CNTN4: variants seen among roughly 807,000 people sequenced by gnomAD.
CNTN4 encodes the protein contactin 4.
CNTN4 carries 77 observed loss-of-function variants against 122.5 expected under a neutral mutation model. That is an observed-to-expected ratio of 0.63 (90% CI 0.52 to 0.76). The LOEUF (loss-of-function observed/expected upper bound fraction) is 0.76, where lower values mean the gene tolerates loss of function less well. Among genes scored for constraint, CNTN4 ranks in the 30% least tolerant of loss-of-function variants. The pLI, the probability that CNTN4 is intolerant of heterozygous loss-of-function variation, is 0.00. For missense variants in CNTN4, 1,256 were observed against 1,259.1 expected (o/e 1.00, Z 0.04); for synonymous variants, 512 against 447.0 (o/e 1.15, Z -1.83).
chr3:2,280,899 A>G (rs1248987548), intron 2 of CNTN4, among the ~76,000 whole-genome samples: 4 of 152,192 alleles, frequency 2.6e-5, no homozygotes, highest in Non-Finnish European at 5.9e-5. Flanking sequence ...TCACACTGGC[A>G]TCAACCTCCA....
chr3:2,754,585 A>T (rs1381828616), intron 6 of CNTN4, among the ~76,000 whole-genome samples: 2 of 152,130 alleles, frequency 1.3e-5, no homozygotes, highest in African/African-American at 4.8e-5. Flanking sequence ...TGTTAAGGGG[A>T]AGGGCATAGA....
chr3:2,292,402 A>G (rs1210049382), intron 2 of CNTN4, among the ~76,000 whole-genome samples: 1 of 152,204 alleles, frequency 6.6e-6, no homozygotes, highest in East Asian at 1.9e-4. Flanking sequence ...TGAATATGAC[A>G]ACTTTGTTTT....
At chr3:2,483,815 C>G (rs562384976) in intron 3 of CNTN4, among the ~76,000 whole-genome samples, 3 of 152,110 alleles carry the variant, frequency 2.0e-5, no homozygotes, top group Non-Finnish European at 4.4e-5. Context: ...AACTTTTTTT[C>G]TTTATAAAAT....
rs76836365 is a variant in CNTN4, at chr3:2,244,241, C to T, written c.-144-94937C>T. Among the ~76,000 whole-genome samples, 164 of 152,096 alleles carry T rather than the reference C, an allele frequency of 1.1e-3. 4 individuals carry two copies. The East Asian group carries it at 0.024, about 22-fold the overall frequency. On this transcript the variant is annotated intron_variant, in intron 2 of 24. Transcript: ENST00000418658. ...AAAAATCTATGTAAATGTGGTTTCT[C>T]TCTCTGTGTGTCTCTCTGTCATCTC...
intron 14 of CNTN4, among the ~76,000 whole-genome samples, chr3:2,989,681 A>C (rs1694890024): frequency 6.6e-6 from 1 of 152,220 alleles, no homozygotes; most frequent in African/African-American, 2.4e-5. Flanking sequence ...CAGTCTATTA[A>C]TTACTTCCTC....
At chr3:2,754,607 A>G (rs2090245390) in intron 6 of CNTN4, among the ~76,000 whole-genome samples, 1 of 152,158 alleles carries the variant, frequency 6.6e-6, no homozygotes, top group South Asian at 2.1e-4. Context: ...GATGAAAAGT[A>G]TTTTTAAAAA....
chr3:2,805,321 A>T (rs754320090), intron 6 of CNTN4, among the ~76,000 whole-genome samples: 4 of 152,304 alleles, frequency 2.6e-5, no homozygotes, highest in South Asian at 2.1e-4. Context: ...GAGCAATTGG[A>T]GTTGTGCTAG....
chr3:2,431,787 G>C (rs774293224), intron 3 of CNTN4, among the ~76,000 whole-genome samples: 1 of 152,160 alleles, frequency 6.6e-6, no homozygotes, highest in African/African-American at 2.4e-5. Context: ...CAGTTTTCTG[G>C]TCAGTGAAGT....
At chr3:2,789,882 G>T (rs1214529539) in intron 6 of CNTN4, among the ~76,000 whole-genome samples, 3 of 152,312 alleles carry the variant, frequency 2.0e-5, no homozygotes, top group East Asian at 3.9e-4. Flanking sequence ...TTTGGAACTG[G>T]CCCTTAATTC....
chr3:3,034,767 T>C lies in CNTN4; in HGVS notation c.1919T>C (p.Val640Ala), dbSNP rs1181074082. The stretch of plus-strand genomic sequence containing the variant: ...ATTCAAGCCAGGACTCCATTCTCCG[T>C]GGGCTGGCAAGCAGTCAGTACAGGT... ...YVIQARTPFS[V>A]GWQAVSTVPE... Residue 640 changes from valine to alanine, a missense_variant, in exon 17 of 25, where the codon GTG becomes GCG. Coordinates refer to ENST00000418658, the MANE Select transcript of CNTN4 (RefSeq NM_175607.3). The C allele has an allele frequency of 1.2e-6, 2 of 1,614,058 alleles. No homozygotes were observed. The highest frequency in any genetic ancestry group is 1.7e-6 in the Non-Finnish European group (2 of 1,179,984).
intron 4 of CNTN4, among the ~76,000 whole-genome samples, chr3:2,703,240 C>T (rs1374186389): frequency 1.3e-5 from 2 of 152,082 alleles, no homozygotes; most frequent in Admixed American, 1.3e-4. Context: ...AATATAGTAC[C>T]TGGTGCAGAG....
chr3:2,571,150 G>C (rs1203011227), intron 3 of CNTN4, among the ~76,000 whole-genome samples: 1 of 152,150 alleles, frequency 6.6e-6, no homozygotes, highest in Non-Finnish European at 1.5e-5. Flanking sequence ...CCTTCAGGTT[G>C]GTTCATGCCT....
chr3:2,125,649 C>T (rs1387055434), intron 2 of CNTN4, among the ~76,000 whole-genome samples: 2 of 151,392 alleles, frequency 1.3e-5, no homozygotes, highest in Non-Finnish European at 2.9e-5. Context: ...AGCTCTGCCT[C>T]CTGGGTTCAC....
At chr3:2,269,225 G>A (rs2041172382) in intron 2 of CNTN4, among the ~76,000 whole-genome samples, 1 of 152,078 alleles carries the variant, frequency 6.6e-6, no homozygotes, top group Non-Finnish European at 1.5e-5. Flanking sequence ...TTAATCAATG[G>A]TTAGTTTGGT....
chr3:2,741,655 C>A (rs145201899), intron 5 of CNTN4, among the ~76,000 whole-genome samples: 3 of 152,186 alleles, frequency 2.0e-5, no homozygotes, highest in Admixed American at 6.5e-5. Flanking sequence ...CAGGAAGCAA[C>A]GGCTGTTAGG....
intron 2 of CNTN4, among the ~76,000 whole-genome samples, chr3:2,196,745 A>G (rs188694945): frequency 5.9e-5 from 9 of 152,048 alleles, no homozygotes; most frequent in Non-Finnish European, 1.2e-4. Flanking sequence ...TTTCTATCCT[A>G]TGAAAAAGAA....
At chr3:3,043,557 A>T (rs1459338200) in intron 22 of CNTN4, 35 bp from the exon 23 acceptor site, 1 of 1,476,138 alleles carries the variant, frequency 6.8e-7, no homozygotes. Context: ...GAGACTTAAT[A>T]ATCTGTGACT....
intron 2 of CNTN4, among the ~76,000 whole-genome samples, chr3:2,160,914 G>GTT (rs1559298742): frequency 6.6e-5 from 10 of 152,068 alleles, no homozygotes; most frequent in African/African-American, 1.9e-4. Context: ...GAACAAGAAG[G>GTT]TATAATCCCT....
chr3:2,977,988 A>G (rs1693586344), intron 13 of CNTN4, among the ~76,000 whole-genome samples: 1 of 152,146 alleles, frequency 6.6e-6, no homozygotes, highest in Non-Finnish European at 1.5e-5. Context: ...AAGACAAGGA[A>G]CACCAAAAAA....
Sources: allele counts gnomAD v4.1 joint callset (sites outside exome capture counted in the v4.1 genomes callset), GRCh38; gene constraint gnomAD v4.1.1; transcripts MANE v1.5; gene names NCBI Gene and HGNC (gene_info 2026-07-23, HGNC 2026-07-21).